The following EIF3M variants were observed in gnomAD, a reference collection of about 807,000 sequenced individuals.
EIF3M encodes eukaryotic translation initiation factor 3 subunit M.
In EIF3M, 25 loss-of-function variants were observed where a neutral mutation model predicts 49.7. The ratio of observed to expected loss-of-function variants is 0.50; its 90% CI spans 0.37 to 0.70. The LOEUF (loss-of-function observed/expected upper bound fraction) is 0.70, where lower values mean the gene tolerates loss of function less well. Among genes scored for constraint, EIF3M ranks in the 30% least tolerant of loss-of-function variants. EIF3M has a pLI of 0.00. For synonymous variants in EIF3M, 156 were observed against 149.8 expected (o/e 1.04, Z -0.30); for missense variants, 350 against 440.0 (o/e 0.80, Z 1.83).
intron 5 of EIF3M, among the ~76,000 whole-genome samples, chr11:32,591,057 G>A (rs542195398): frequency 2.6e-5 from 4 of 152,250 alleles, no homozygotes; most frequent in African/African-American, 7.2e-5. Context: ...CACCGTGTTA[G>A]TCAGGATGGT....
chr11:32,602,265 T>C lies in EIF3M; in HGVS notation c.1005-14T>C, dbSNP rs1169503182. On this transcript the variant is annotated splice_polypyrimidine_tract_variant and intron_variant, in intron 10 of 10. Transcript: ENST00000531120. ...AAGGTTGACTAACACTGTGTTTAATTTTTCAATTTTTAGTCATAGCACACA... is the reference window on the plus strand; with the variant it reads ...AAGGTTGACTAACACTGTGTTTAATCTTTCAATTTTTAGTCATAGCACACA... 1 of 1,603,766 alleles carries C rather than the reference T, an allele frequency of 6.2e-7. No homozygotes were observed. The highest frequency in any genetic ancestry group is 8.5e-7 in the Non-Finnish European group (1 of 1,175,060).
chr11:32,592,370 AC>A, intron 5 of EIF3M: 1 of 553,224 alleles, frequency 1.8e-6, no homozygotes, highest in Non-Finnish European at 3.5e-6. Context: ...TCCTCCTGTA[AC>A]TTCTGTGGTT....
Position 32,603,214 on chromosome 11 carries a change from C to CT in EIF3M, c.*816dup. ...CTTATGTAGTAGATCTTCAAAATCT[C>CT]TAATATATAACTGAAGTAAAGTGTA... On this transcript the variant is annotated 3_prime_UTR_variant, in exon 11 of 11. Coordinates refer to ENST00000531120, the MANE Select transcript of EIF3M (RefSeq NM_006360.6). 2.0e-6 allele frequency: 1 copy of CT among 495,368 alleles called. No homozygotes were observed. The highest frequency in any genetic ancestry group is 3.7e-5 in the South Asian group (1 of 27,230). The allele number at this position is 495,368 out of a possible 1,614,324, so 30.7% of individuals were successfully genotyped here. A position where few individuals can be genotyped will look rare whatever the true frequency, so the allele number is the denominator to read the frequency against.
rs548347158 is a variant in EIF3M, at chr11:32,605,160, CTT to C, written c.*2780_*2781del. The stretch of plus-strand genomic sequence containing the variant: ...AGCCACCCTGCCCGACCTAGTAATA[CTT>C]TTTTTTTTTTTTTTTTTTAATGAAC... On this transcript the variant is annotated 3_prime_UTR_variant, in exon 11 of 11. Transcript: ENST00000531120. The C allele has an allele frequency of 4.4e-4, 55 of 125,620 alleles. No individual in the cohort carries two copies. The highest frequency in any genetic ancestry group is 4.0e-4 in the Admixed American group (5 of 12,444). 7.8% of individuals were successfully genotyped at this position (125,620 alleles called of 1,614,324 possible).
chr11:32,593,705 C>T (rs2133199043), intron 5 of EIF3M, 161 bp from the exon 6 acceptor site: 3 of 403,078 alleles, frequency 7.4e-6, no homozygotes, highest in South Asian at 1.2e-4. Context: ...TCCATCTTTC[C>T]TACTAAAAGG....
chr11:32,602,171 T>G, intron 10 of EIF3M, 108 bp from the exon 11 acceptor site: 1 of 1,411,654 alleles, frequency 7.1e-7, no homozygotes, highest in South Asian at 1.3e-5. Context: ...TATTCTAAAT[T>G]AGGTATATTT....
chr11:32,588,666 T>G lies in EIF3M; in HGVS notation c.248T>G (p.Ile83Ser), dbSNP rs1258015943. The G allele has an allele frequency of 6.2e-7, 1 of 1,614,086 alleles. No homozygotes were observed. Among genetic ancestry groups the G allele is most frequent in the Non-Finnish European group, 8.5e-7 (1 of 1,180,046 alleles). ...GAACCAGACAAGCAAGAAGCTTTGA[T>G]TGAAAGCCTATGTGAAAAGCTGGTC... ...ILEPDKQEAL[I>S]ESLCEKLVKF... Residue 83 changes from isoleucine to serine, a missense_variant, in exon 3 of 11, where the codon ATT (isoleucine) becomes AGT (serine). Ile to Ser is a moderately radical substitution (Grantham distance 142). Coordinates refer to ENST00000531120, the MANE Select transcript of EIF3M (RefSeq NM_006360.6).
chr11:32,592,343 T>C, intron 5 of EIF3M: 1 of 553,290 alleles, frequency 1.8e-6, no homozygotes, highest in Non-Finnish European at 3.4e-6. Flanking sequence ...AATCCTCTCT[T>C]TTTTCCACTC....
At chr11:32,589,198 C>A (rs527363716) in intron 4 of EIF3M, 63 bp downstream of exon 4, 5 of 1,570,192 alleles carry the variant, frequency 3.2e-6, no homozygotes, top group Non-Finnish European at 4.3e-6. Flanking sequence ...TTTTTTGAGA[C>A]GGAGTTTCAC....
intron 8 of EIF3M, among the ~76,000 whole-genome samples, chr11:32,597,013 G>A (rs1361743937): frequency 6.6e-6 from 1 of 152,138 alleles, no homozygotes; most frequent in Admixed American, 6.5e-5. Context: ...GATTCTTTGA[G>A]GTAAAGTTAT....
rs1405777148 is a variant in EIF3M at position 32,606,017 on chromosome 11, A to AT, written c.*3618_*3619insT. 6.6e-6 allele frequency: 1 copy of AT among 152,152 alleles called. No individual in the cohort carries two copies. The highest frequency in any genetic ancestry group is 1.5e-5 in the Non-Finnish European group (1 of 68,018). The allele number at this position is 152,152 out of a possible 1,614,324, so 9.4% of individuals were successfully genotyped here. A position where few individuals can be genotyped will look rare whatever the true frequency, so the allele number is the denominator to read the frequency against. Reference sequence around the variant, plus strand: ...TGAATCTAATTCATTGGATATATAAAAAAAAAAGTAAGTGGCTTGCTTTGC... The same window carrying AT: ...TGAATCTAATTCATTGGATATATAAATAAAAAAAGTAAGTGGCTTGCTTTGC... On this transcript the variant is annotated 3_prime_UTR_variant, in exon 11 of 11. Coordinates refer to ENST00000531120, the MANE Select transcript of EIF3M (RefSeq NM_006360.6).
intron 2 of EIF3M, among the ~76,000 whole-genome samples, chr11:32,588,388 G>GAAAAAAAAAA (rs71463359): frequency 1.1e-5 from 1 of 93,060 alleles, no homozygotes; most frequent in Non-Finnish European, 2.2e-5. Context: ...GACTTCATCT[G>GAAAAAAAAAA]AAAAAAAAAA....
chr11:32,584,228 C>T, intron 1 of EIF3M: 1 of 431,656 alleles, frequency 2.3e-6, no homozygotes, highest in Non-Finnish European at 4.2e-6. Context: ...TGCTTCCGTC[C>T]GTCAAATGCA....
In EIF3M at chr11:32,602,395, C is replaced by T; in HGVS notation, c.1121C>T (p.Thr374Ile). ...AACAGCCTTTTGAGTCTTTCTGATA[C>T]CTGAGTTTTTATGCTTATAATTTTT... The part of the protein sequence containing the change: ...VKNSLLSLSD[T>I] Residue 374 changes from threonine to isoleucine, a missense_variant, in exon 11 of 11, where the codon ACC becomes ATC. Physicochemically the swap from Thr to Ile is moderately conservative, Grantham distance 89. Transcript: ENST00000531120. 6.2e-7 allele frequency: 1 copy of T among 1,608,886 alleles called. No individual in the cohort carries two copies. The highest frequency in any genetic ancestry group is 8.5e-7 in the Non-Finnish European group (1 of 1,177,358).
chr11:32,587,038 A>G lies in EIF3M; in HGVS notation c.69A>G (p.Lys23=), dbSNP rs1348289018. 1 of 1,611,838 alleles carries G rather than the reference A, an allele frequency of 6.2e-7. No individual in the cohort carries two copies. The highest frequency in any genetic ancestry group is 1.7e-5 in the Admixed American group (1 of 59,812). ...DQAAELRAYL[K]SKGAEISEEN... is the part of the protein sequence containing the mutation. ...CTGCTGAGCTTCGTGCTTATCTGAA[A>G]TCTAAAGGAGCTGAGATTTCAGAAG... Residue 23 remains lysine (K), a synonymous_variant, in exon 2 of 11, where the codon AAA becomes AAG. Transcript: ENST00000531120.
At chr11:32,584,686 T>C (rs201882) in intron 1 of EIF3M, among the ~76,000 whole-genome samples, 37,130 of 150,972 alleles carry the variant, frequency 0.25, 4,713 homozygotes, top group Middle Eastern at 0.29. Context: ...TATTTTACAC[T>C]TGCTTTCTAT....
chr11:32,590,945 G>A (rs977462507), intron 5 of EIF3M, among the ~76,000 whole-genome samples: 13 of 151,934 alleles, frequency 8.6e-5, no homozygotes, highest in Non-Finnish European at 2.9e-5. Flanking sequence ...CCACCTCCCG[G>A]GTTCATGCCA....
chr11:32,588,156 C>T (rs553611660), intron 2 of EIF3M, among the ~76,000 whole-genome samples: 3 of 152,082 alleles, frequency 2.0e-5, no homozygotes, highest in East Asian at 1.9e-4. Flanking sequence ...TTTGGGAGGC[C>T]GAGGCAGGTG....
rs138423523 is a variant in EIF3M, at chr11:32,602,168, A to T, written c.1005-111A>T. ...ATTCTTAAATTCTCTTACTATTCTA[A>T]ATTAGGTATATTTAATCTTGCTTTT... On this transcript the variant is annotated intron_variant, in intron 10 of 10. Transcript: ENST00000531120. The T allele has an allele frequency of 1.8e-5, 25 of 1,412,082 alleles. No homozygotes were observed. In the African/African-American group the frequency reaches 2.9e-4, roughly 16 times the overall value. 87.5% of individuals were successfully genotyped at this position (1,412,082 alleles called of 1,614,324 possible). A position where few individuals can be genotyped will look rare whatever the true frequency, so the allele number is the denominator to read the frequency against.
Sources: gnomAD v4.1 joint callset for allele counts (sites outside exome capture counted in the v4.1 genomes callset) on GRCh38, gnomAD v4.1.1 for gene constraint, MANE v1.5 for transcripts, NCBI Gene and HGNC (gene_info 2026-07-23, HGNC 2026-07-21) for gene names.